Variants in MAGI1 observed in about 807,000 individuals in gnomAD.
MAGI1 encodes the protein membrane associated guanylate kinase, WW and PDZ domain containing 1.
In MAGI1, 58 loss-of-function variants were observed where a neutral mutation model predicts 139.9. The ratio of observed to expected loss-of-function variants is 0.41; its 90% CI spans 0.34 to 0.52. The LOEUF (loss-of-function observed/expected upper bound fraction) is 0.52. MAGI1 is among the 20% of genes least tolerant of loss of function. The probability of loss-of-function intolerance (pLI) is 0.12; values close to 1 mark genes in which losing one functional copy is unlikely to be tolerated. For synonymous variants in MAGI1, 812 were observed against 737.9 expected (o/e 1.10, Z -1.63); for missense variants, 1,874 against 1,901.6 (o/e 0.99, Z 0.27).
chr3:65,877,040 GC>G (rs1559968470), intron 1 of MAGI1, among the ~76,000 whole-genome samples: 1 of 152,114 alleles, frequency 6.6e-6, no homozygotes, highest in African/African-American at 2.4e-5. Flanking sequence ...ACTGCGCCTG[GC>G]CTATGCTCTA....
chr3:65,460,859 C>G (rs140357112), intron 5 of MAGI1, among the ~76,000 whole-genome samples: 1 of 152,102 alleles, frequency 6.6e-6, no homozygotes, highest in Non-Finnish European at 1.5e-5. Flanking sequence ...TCATCCATGT[C>G]CCTGCAAAGG....
chr3:65,559,377 A>G (rs777676907), intron 2 of MAGI1, among the ~76,000 whole-genome samples: 2 of 152,228 alleles, frequency 1.3e-5, no homozygotes, highest in Non-Finnish European at 2.9e-5. Flanking sequence ...AAATCAATCT[A>G]TCTGAAAATT....
At chr3:65,940,917 T>A (rs546929025) in intron 1 of MAGI1, among the ~76,000 whole-genome samples, 3 of 152,306 alleles carry the variant, frequency 2.0e-5, no homozygotes, top group Non-Finnish European at 4.4e-5. Flanking sequence ...CTAAGAGGTA[T>A]TACAGTTTTC....
chr3:66,030,197 C>T (rs968307944), intron 1 of MAGI1, among the ~76,000 whole-genome samples: 2 of 152,170 alleles, frequency 1.3e-5, no homozygotes, highest in African/African-American at 4.8e-5. Flanking sequence ...CTGGATCAAT[C>T]GGCTAAGCTC....
chr3:65,635,181 C>A (rs1311348438), intron 1 of MAGI1, among the ~76,000 whole-genome samples: 3 of 152,152 alleles, frequency 2.0e-5, no homozygotes, highest in Non-Finnish European at 4.4e-5. Flanking sequence ...TCTCCCACCT[C>A]AGCCTCCCGA....
At chr3:65,835,627 C>T (rs144161102) in intron 1 of MAGI1, among the ~76,000 whole-genome samples, 246 of 152,220 alleles carry the variant, frequency 1.6e-3, no homozygotes, top group African/African-American at 5.5e-3. Flanking sequence ...AAGAAATCAA[C>T]GACTCTGTCT....
chr3:65,803,058 A>G (rs1267327902), intron 1 of MAGI1, among the ~76,000 whole-genome samples: 1 of 152,170 alleles, frequency 6.6e-6, no homozygotes, highest in African/African-American at 2.4e-5. Flanking sequence ...CCTTATTTTA[A>G]TAACATCCTT....
At chr3:65,547,763 G>C (rs2079573536) in intron 2 of MAGI1, among the ~76,000 whole-genome samples, 1 of 152,178 alleles carries the variant, frequency 6.6e-6, no homozygotes, top group African/African-American at 2.4e-5. Context: ...GCTGATAGCA[G>C]TGTTTGCCCT....
intron 1 of MAGI1, among the ~76,000 whole-genome samples, chr3:65,676,878 TCCCA>T (rs1366460257): frequency 6.6e-6 from 1 of 152,200 alleles, no homozygotes; most frequent in Non-Finnish European, 1.5e-5. Context: ...GAACGACATA[TCCCA>T]GTTTGCTCCC....
At chr3:65,779,885 C>A (rs1289571655) in intron 1 of MAGI1, among the ~76,000 whole-genome samples, 1 of 152,036 alleles carries the variant, frequency 6.6e-6, no homozygotes, top group Non-Finnish European at 1.5e-5. Context: ...GTGATGGGAA[C>A]ATTTACTATC....
At chr3:65,771,572 A>G (rs1332802003) in intron 1 of MAGI1, among the ~76,000 whole-genome samples, 1 of 152,172 alleles carries the variant, frequency 6.6e-6, no homozygotes, top group Admixed American at 6.5e-5. Context: ...TAGCTATCAA[A>G]ATAAGGTATA....
At chr3:65,974,611 C>G (rs1422221698) in intron 1 of MAGI1, among the ~76,000 whole-genome samples, 1 of 152,144 alleles carries the variant, frequency 6.6e-6, no homozygotes, top group African/African-American at 2.4e-5. Flanking sequence ...TCTCTCACAC[C>G]TCTGCAGTGT....
chr3:66,000,375 C>G (rs1173681554), intron 1 of MAGI1, among the ~76,000 whole-genome samples: 2 of 151,980 alleles, frequency 1.3e-5, no homozygotes, highest in Non-Finnish European at 2.9e-5. Flanking sequence ...AGGTGATGTT[C>G]TGTTTTAATC....
intron 1 of MAGI1, among the ~76,000 whole-genome samples, chr3:65,943,238 TC>T (rs959284121): frequency 4.0e-4 from 61 of 152,222 alleles, no homozygotes; most frequent in African/African-American, 1.3e-3. Flanking sequence ...TTTGAAAATG[TC>T]CCTTTTTCTC....
chr3:65,500,821 G>A (rs1002995426), intron 2 of MAGI1, among the ~76,000 whole-genome samples: 2 of 152,166 alleles, frequency 1.3e-5, no homozygotes, highest in Admixed American at 6.5e-5. Flanking sequence ...ATTAATCAGG[G>A]TCCTGCTTGT....
intron 1 of MAGI1, among the ~76,000 whole-genome samples, chr3:65,882,494 T>C (rs1209386164): frequency 1.3e-5 from 2 of 152,120 alleles, no homozygotes; most frequent in East Asian, 1.9e-4. Context: ...TTTTCCCATC[T>C]ACAGGATGGC....
intron 1 of MAGI1, among the ~76,000 whole-genome samples, chr3:65,705,479 T>G (rs2030067036): frequency 6.6e-6 from 1 of 152,232 alleles, no homozygotes. Flanking sequence ...TTGTGTTATG[T>G]GAATTTTACC....
chr3:65,848,579 CT>C (rs5849700), intron 1 of MAGI1, among the ~76,000 whole-genome samples: 92,599 of 147,180 alleles, frequency 0.63, 30,165 homozygotes, highest in African/African-American at 0.83. Flanking sequence ...AAGTTGTATT[CT>C]TTTTTTTTTT....
chr3:65,993,281 G>A (rs2066274140), intron 1 of MAGI1, among the ~76,000 whole-genome samples: 1 of 152,070 alleles, frequency 6.6e-6, no homozygotes, highest in African/African-American at 2.4e-5. Context: ...CAACCCATCT[G>A]ATACCAGTTT....
Sources: allele counts gnomAD v4.1 joint callset (sites outside exome capture counted in the v4.1 genomes callset), GRCh38; gene constraint gnomAD v4.1.1; transcripts MANE v1.5; gene names NCBI Gene and HGNC (gene_info 2026-07-23, HGNC 2026-07-21).